CADPS2: variants seen among roughly 807,000 people sequenced by gnomAD.
CADPS2 encodes calcium dependent secretion activator 2.
Under a neutral mutation model 172.5 loss-of-function variants are expected in CADPS2, and 93 were observed. That is an observed-to-expected ratio of 0.54 (90% CI 0.46 to 0.64). The LOEUF (loss-of-function observed/expected upper bound fraction) is 0.64, where lower values mean the gene tolerates loss of function less well. Ranked by LOEUF, CADPS2 falls within the 30% of genes least tolerant of loss-of-function variation. The pLI is 0.00. For synonymous variants in CADPS2, 546 were observed against 555.2 expected (o/e 0.98, Z 0.23); for missense variants, 1,420 against 1,565.9 (o/e 0.91, Z 1.57).
chr7:122,396,824 G>A (rs570812145), intron 20 of CADPS2, among the ~76,000 whole-genome samples: 3 of 152,002 alleles, frequency 2.0e-5, no homozygotes, highest in Admixed American at 6.5e-5. Flanking sequence ...CATATTTCTC[G>A]CTGCCTACAA....
chr7:122,659,044 T>A (rs1485518896), intron 3 of CADPS2, among the ~76,000 whole-genome samples: 1 of 152,034 alleles, frequency 6.6e-6, no homozygotes, highest in Non-Finnish European at 1.5e-5. Flanking sequence ...TCAGTTCTCA[T>A]TACCTAATAT....
intron 2 of CADPS2, among the ~76,000 whole-genome samples, chr7:122,729,901 G>A (rs1331991250): frequency 1.3e-5 from 2 of 151,572 alleles, no homozygotes; most frequent in East Asian, 3.9e-4. Flanking sequence ...GAAGTATGAT[G>A]TAAATCATTG....
intron 2 of CADPS2, among the ~76,000 whole-genome samples, chr7:122,713,902 AAAAACAAAAGT>A (rs1179682765): frequency 6.6e-6 from 1 of 152,090 alleles, no homozygotes; most frequent in African/African-American, 2.4e-5. Flanking sequence ...GACCACCCAT[AAAAACAAAAGT>A]AAAACAAAGA....
intron 2 of CADPS2, among the ~76,000 whole-genome samples, chr7:122,736,274 C>G (rs904493276): frequency 1.3e-5 from 2 of 152,106 alleles, no homozygotes; most frequent in Non-Finnish European, 2.9e-5. Context: ...TATATATTCG[C>G]ATATTATGCT....
intron 19 of CADPS2, chr7:122,413,047 G>A (rs566893659): frequency 2.0e-4 from 31 of 152,368 alleles, no homozygotes; most frequent in Admixed American, 2.0e-3. Flanking sequence ...CCTGGCCTGA[G>A]TCTTCACCCA....
In CADPS2 at chr7:122,569,464, A is replaced by G. The variant is rs1587411194; in HGVS notation, c.1335+11715T>C. ...GAAAATGGCCATAATGCCCAAGGTAATTTATAGATTCAATGCCATCCCCAT... is the reference window on the plus strand; with the variant it reads ...GAAAATGGCCATAATGCCCAAGGTAGTTTATAGATTCAATGCCATCCCCAT... On this transcript the variant is annotated intron_variant, in intron 7 of 29. Transcript: ENST00000449022. 2.0e-5 allele frequency among the ~76,000 whole-genome samples: 3 copies of G among 151,710 alleles called. No homozygotes were observed. In the East Asian group the frequency reaches 5.8e-4, roughly 29 times the overall value.
intron 1 of CADPS2, among the ~76,000 whole-genome samples, chr7:122,799,209 G>T (rs1016285952): frequency 2.0e-5 from 3 of 150,640 alleles, no homozygotes; most frequent in Non-Finnish European, 4.4e-5. Context: ...GCCTTAAAAT[G>T]TAGTGACTAA....
chr7:122,542,221 G>A (rs2131644386), intron 8 of CADPS2, among the ~76,000 whole-genome samples: 1 of 152,170 alleles, frequency 6.6e-6, no homozygotes, highest in African/African-American at 2.4e-5. Context: ...CAGTGATGAG[G>A]CTATAATTGG....
chr7:122,740,124 G>T (rs1216140767), intron 1 of CADPS2, among the ~76,000 whole-genome samples: 1 of 152,106 alleles, frequency 6.6e-6, no homozygotes, highest in Non-Finnish European at 1.5e-5. Context: ...CTCATTCTTT[G>T]CTACTGGGAA....
At chr7:122,519,289 A>G (rs1014800499) in intron 8 of CADPS2, among the ~76,000 whole-genome samples, 1 of 152,106 alleles carries the variant, frequency 6.6e-6, no homozygotes, top group Non-Finnish European at 1.5e-5. Flanking sequence ...GGATTATTTT[A>G]AAATAACTGC....
intron 1 of CADPS2, among the ~76,000 whole-genome samples, chr7:122,848,797 C>T (rs1223355252): frequency 2.0e-5 from 3 of 152,020 alleles, no homozygotes; most frequent in Admixed American, 1.3e-4. Flanking sequence ...CCTAAGTAAC[C>T]GGCAGCTTCA....
At chr7:122,407,826 A>G (rs2046832670) in intron 19 of CADPS2, 130 bp from the exon 20 acceptor site, 3 of 917,374 alleles carry the variant, frequency 3.3e-6, no homozygotes, top group Non-Finnish European at 4.9e-6. Context: ...ACAAAATATA[A>G]TAGTTTTTAA....
chr7:122,451,627 C>A (rs1331726234), intron 14 of CADPS2, among the ~76,000 whole-genome samples, 152 bp from the exon 15 acceptor site: 1 of 151,994 alleles, frequency 6.6e-6, no homozygotes, highest in East Asian at 1.9e-4. Flanking sequence ...TATTTGCAGC[C>A]ATTTGCTTTA....
At chr7:122,818,204 A>G (rs905522611) in intron 1 of CADPS2, among the ~76,000 whole-genome samples, 5 of 148,076 alleles carry the variant, frequency 3.4e-5, no homozygotes, top group African/African-American at 1.3e-4. Flanking sequence ...TCCTCCTTCT[A>G]CTCCCTTGGC....
intron 1 of CADPS2, among the ~76,000 whole-genome samples, chr7:122,878,203 T>G (rs1469998602): frequency 7.2e-6 from 1 of 139,224 alleles, no homozygotes; most frequent in Non-Finnish European, 1.5e-5. Flanking sequence ...GAGGTTGCAG[T>G]GAGCCGAGAT....
At chr7:122,725,344 T>C (rs549132173) in intron 2 of CADPS2, among the ~76,000 whole-genome samples, 6 of 152,070 alleles carry the variant, frequency 3.9e-5, no homozygotes, top group East Asian at 1.9e-4. Context: ...CTTTTATATA[T>C]ATATGTATAG....
intron 2 of CADPS2, among the ~76,000 whole-genome samples, chr7:122,735,850 A>C (rs1230324471): frequency 1.3e-5 from 2 of 152,190 alleles, no homozygotes; most frequent in African/African-American, 4.8e-5. Context: ...CAAATATAGA[A>C]ATTTACAGTT....
intron 11 of CADPS2, among the ~76,000 whole-genome samples, chr7:122,488,115 A>C (rs1164916239): frequency 6.6e-6 from 1 of 152,196 alleles, no homozygotes; most frequent in Non-Finnish European, 1.5e-5. Context: ...ACAAATTTAT[A>C]AAAACTTGGT....
At chr7:122,679,650 T>C (rs1019133256) in intron 2 of CADPS2, among the ~76,000 whole-genome samples, 1 of 152,196 alleles carries the variant, frequency 6.6e-6, no homozygotes, top group Non-Finnish European at 1.5e-5. Flanking sequence ...AAAAACTTGC[T>C]GGTTTTACGG....
Sources: gnomAD v4.1 joint callset for allele counts (sites outside exome capture counted in the v4.1 genomes callset) on GRCh38, gnomAD v4.1.1 for gene constraint, MANE v1.5 for transcripts, NCBI Gene and HGNC (gene_info 2026-07-23, HGNC 2026-07-21) for gene names.